Variants in SLC35B3 observed in about 807,000 individuals in gnomAD.
SLC35B3 encodes solute carrier family 35 member B3, also known as adenosine 3'-phospho 5'-phosphosulfate transporter 2.
A neutral mutation model predicts 44.1 loss-of-function variants in SLC35B3; 35 were observed. The ratio of observed to expected loss-of-function variants is 0.79; its 90% CI spans 0.61 to 1.05. The LOEUF (loss-of-function observed/expected upper bound fraction) is 1.05. Ranked by LOEUF, SLC35B3 falls within the 50% of genes least tolerant of loss-of-function variation. The probability of loss-of-function intolerance (pLI) is 0.00; values close to 1 mark genes in which losing one functional copy is unlikely to be tolerated. For missense variants in SLC35B3, 414 were observed against 476.4 expected (o/e 0.87, Z 1.22); for synonymous variants, 146 against 167.3 (o/e 0.87, Z 0.98).
At position 8,434,537 on chromosome 6, in the gene SLC35B3, ATTCT is replaced by A; in HGVS notation, c.-43-111_-43-108del. 1 of 865,842 alleles carries A rather than the reference ATTCT, an allele frequency of 1.2e-6. No individual in the cohort carries two copies. Among genetic ancestry groups the A allele is most frequent in the South Asian group, 2.7e-5 (1 of 36,956 alleles). 53.6% of individuals were successfully genotyped at this position (865,842 alleles called of 1,614,324 possible). On this transcript the variant is annotated intron_variant, in intron 1 of 10. Transcript: ENST00000644923. This position sits in a 1 kb window ranked among gnomAD's most constrained non-coding sequence, Gnocchi z 6.3. ...AACCCTGTGCTAATGTTTGAAGACT[ATTCT>A]TTTTTTTTTCCAAGAGAAAAAGTTA... is the stretch of plus-strand genomic sequence containing the variant.
chr6:8,415,522 G>A (rs1762341452), intron 9 of SLC35B3, among the ~76,000 whole-genome samples: 1 of 152,176 alleles, frequency 6.6e-6, no homozygotes, highest in South Asian at 2.1e-4. Flanking sequence ...AGAGTGGGGA[G>A]ATCTGCATAG....
intron 4 of SLC35B3, among the ~76,000 whole-genome samples, chr6:8,423,449 C>T (rs143479875): frequency 6.6e-6 from 1 of 152,248 alleles, no homozygotes; most frequent in East Asian, 1.9e-4. Flanking sequence ...AACTTTGGCT[C>T]TATCTAAAGT....
At chr6:8,418,758 G>C (rs1762639420) in intron 7 of SLC35B3, 1 of 160,568 alleles carries the variant, frequency 6.2e-6, no homozygotes, top group Non-Finnish European at 1.4e-5. Flanking sequence ...TTCTTGGACT[G>C]AAATAATCAA....
Position 8,420,042 on chromosome 6 carries a change from TAAA to T in SLC35B3, c.683-368_683-366del, listed in dbSNP as rs770082309. ...TGGGATTGGTGGCTATTCAGTTAAT[TAAA>T]AAAAAAAAAAACAGATGAAGAGAAA... is the stretch of plus-strand genomic sequence containing the variant. On this transcript the variant is annotated intron_variant, in intron 6 of 10. Transcript: ENST00000644923. The surrounding 1 kb of genome is among the most constrained non-coding windows in gnomAD (Gnocchi z 4.4). Among the ~76,000 whole-genome samples the T allele has an allele frequency of 7.3e-6, 1 of 137,852 alleles. No homozygotes were observed. Among genetic ancestry groups the T allele is most frequent in the African/African-American group, 2.7e-5 (1 of 37,458 alleles). 90.4% of individuals were successfully genotyped at this position (137,852 alleles called of 152,430 possible).
Position 8,412,971 on chromosome 6 carries a change from T to C in SLC35B3, c.*578A>G, listed in dbSNP as rs1370733785. 1 of 152,238 alleles carries C rather than the reference T, an allele frequency of 6.6e-6. No individual in the cohort carries two copies. Among genetic ancestry groups the C allele is most frequent in the East Asian group, 1.9e-4 (1 of 5,194 alleles). 9.4% of individuals were successfully genotyped at this position (152,238 alleles called of 1,614,324 possible). A position where few individuals can be genotyped will look rare whatever the true frequency, so the allele number is the denominator to read the frequency against. On this transcript the variant is annotated 3_prime_UTR_variant, in exon 11 of 11. Transcript: ENST00000644923. The stretch of plus-strand genomic sequence containing the variant: ...GGTTGGGAGCTCCTGCTCTAAAGAA[T>C]AATTTTAAATCAGAGAAAACTCAAG...
At chr6:8,415,887 A>G (rs890102928) in intron 9 of SLC35B3, among the ~76,000 whole-genome samples, 1 of 152,108 alleles carries the variant, frequency 6.6e-6, no homozygotes, top group African/African-American at 2.4e-5. Context: ...TAGGATTTTC[A>G]TCTTCTCTTA....
At chr6:8,416,772 A>G in intron 9 of SLC35B3, 112 bp downstream of exon 8, 1 of 486,144 alleles carries the variant, frequency 2.1e-6, no homozygotes, top group Non-Finnish European at 3.7e-6. Flanking sequence ...TTGGTGAAAT[A>G]TGATAATTTT....
intron 7 of SLC35B3, among the ~76,000 whole-genome samples, chr6:8,417,802 A>ACTT (rs34752417): frequency 1.3e-5 from 2 of 151,520 alleles, no homozygotes; most frequent in African/African-American, 4.9e-5. Context: ...TAAAAAAAAT[A>ACTT]AATGAAACAA....
chr6:8,434,524 A>G lies in SLC35B3; in HGVS notation c.-43-94T>C. The G allele has an allele frequency of 9.8e-7, 1 of 1,020,980 alleles. No homozygotes were observed. The highest frequency in any genetic ancestry group is 1.4e-6 in the Non-Finnish European group (1 of 717,488). The allele number at this position is 1,020,980 out of a possible 1,614,324, so 63.2% of individuals were successfully genotyped here. On this transcript the variant is annotated intron_variant, in intron 1 of 10. Coordinates refer to ENST00000644923, the MANE Select transcript of SLC35B3 (RefSeq NM_001370476.2). This position sits in a 1 kb window ranked among gnomAD's most constrained non-coding sequence, Gnocchi z 6.3. Reference sequence around the variant, plus strand: ...ACAAAGGTGGAGAAACCCTGTGCTAATGTTTGAAGACTATTCTTTTTTTTT... The same window carrying G: ...ACAAAGGTGGAGAAACCCTGTGCTAGTGTTTGAAGACTATTCTTTTTTTTT...
intron 10 of SLC35B3, 122 bp downstream of exon 9, chr6:8,414,786 A>G: frequency 2.1e-6 from 1 of 474,256 alleles, no homozygotes; most frequent in Middle Eastern, 5.8e-4. Context: ...ATTAATTTAT[A>G]TAAAAATAAA....
At position 8,435,142 on chromosome 6, in the gene SLC35B3, G is replaced by A; in HGVS notation, c.-44+201C>T. On this transcript the variant is annotated intron_variant, in intron 1 of 10. Transcript: ENST00000644923. This position sits in a 1 kb window ranked among gnomAD's most constrained non-coding sequence, Gnocchi z 5.5. ...CAGCCCGAGGGCGAAAAACGGGCGA[G>A]GAGGAACAGATGCTCCTCCCTGGAA... 1 of 1,279,502 alleles carries A rather than the reference G, an allele frequency of 7.8e-7. No individual in the cohort carries two copies. The highest frequency in any genetic ancestry group is 1.0e-6 in the Non-Finnish European group (1 of 984,022). 79.3% of individuals were successfully genotyped at this position (1,279,502 alleles called of 1,614,324 possible). A position where few individuals can be genotyped will look rare whatever the true frequency, so the allele number is the denominator to read the frequency against.
intron 5 of SLC35B3, among the ~76,000 whole-genome samples, chr6:8,422,258 A>C (rs1405327871): frequency 6.6e-6 from 1 of 152,142 alleles, no homozygotes; most frequent in East Asian, 1.9e-4. Context: ...CCACCTTGGC[A>C]TCCCACAGTG....
In SLC35B3 at chr6:8,434,557, G is replaced by T; in HGVS notation, c.-43-127C>A. The T allele has an allele frequency of 1.5e-6, 1 of 650,760 alleles. No homozygotes were observed. The highest frequency in any genetic ancestry group is 2.3e-6 in the Non-Finnish European group (1 of 429,590). The allele number at this position is 650,760 out of a possible 1,614,324, so 40.3% of individuals were successfully genotyped here. On this transcript the variant is annotated intron_variant, in intron 1 of 10. Transcript: ENST00000644923. This position sits in a 1 kb window ranked among gnomAD's most constrained non-coding sequence, Gnocchi z 6.3. ...AGACTATTCTTTTTTTTTTCCAAGAGAAAAAGTTAACACTAGGACTTTATA... is the reference window on the plus strand; with the variant it reads ...AGACTATTCTTTTTTTTTTCCAAGATAAAAAGTTAACACTAGGACTTTATA...
At position 8,416,901 on chromosome 6, in the gene SLC35B3, G is replaced by T; in HGVS notation, c.968C>A (p.Ala323Glu). The T allele has an allele frequency of 6.3e-7, 1 of 1,578,072 alleles. No individual in the cohort carries two copies. The highest frequency in any genetic ancestry group is 8.6e-7 in the Non-Finnish European group (1 of 1,157,186). ...CCTCCTACCTGTTACAGCAATAAGT[G>T]CACCAAAAATTTTAATCAAAGCCAG... The change falls in exon 9 of 11, where the codon GCA becomes GAA. Residue 323 changes from alanine (A) to glutamate (E), a missense_variant. Coordinates refer to ENST00000644923, the MANE Select transcript of SLC35B3 (RefSeq NM_001370476.2).
At chr6:8,418,212 T>C (rs1338898341) in intron 7 of SLC35B3, among the ~76,000 whole-genome samples, 1 of 152,164 alleles carries the variant, frequency 6.6e-6, no homozygotes, top group African/African-American at 2.4e-5. Context: ...TTCCAGAGCC[T>C]ACCATCATAA....
Position 8,419,713 on chromosome 6 carries a change from C to T in SLC35B3, c.683-36G>A. On this transcript the variant is annotated intron_variant, in intron 6 of 10. Transcript: ENST00000644923. The surrounding 1 kb of genome is among the most constrained non-coding windows in gnomAD (Gnocchi z 4.3). Reference sequence around the variant, plus strand: ...GTATTAAAAAAACAAACAAAAAAACCCTCCTTATTTAAACATATGAACTAT... The same window carrying T: ...GTATTAAAAAAACAAACAAAAAAACTCTCCTTATTTAAACATATGAACTAT... The T allele has an allele frequency of 8.1e-7, 1 of 1,230,304 alleles. No individual in the cohort carries two copies. Among genetic ancestry groups the T allele is most frequent in the Non-Finnish European group, 1.1e-6 (1 of 889,890 alleles). 76.2% of individuals were successfully genotyped at this position (1,230,304 alleles called of 1,614,324 possible). A position where few individuals can be genotyped will look rare whatever the true frequency, so the allele number is the denominator to read the frequency against.
At position 8,422,506 on chromosome 6, in the gene SLC35B3, AT is replaced by A. The variant is rs1561753526; in HGVS notation, c.537del (p.Lys179AsnfsTer2). 6.2e-7 allele frequency: 1 copy of A among 1,613,714 alleles called. No homozygotes were observed. The highest frequency in any genetic ancestry group is 1.7e-5 in the Admixed American group (1 of 59,990). On this transcript the variant is annotated frameshift_variant, in exon 5 of 11. Transcript: ENST00000644923. LOFTEE classifies it high-confidence loss of function. ...ACTCCTCCTAGCATAACAGGAATCA[AT>A]TTGCAGCACTTGAAGATGACTTGGG...
At chr6:8,425,028 A>G (rs537957340) in intron 4 of SLC35B3, among the ~76,000 whole-genome samples, 1 of 152,376 alleles carries the variant, frequency 6.6e-6, no homozygotes, top group South Asian at 2.1e-4. Flanking sequence ...TCATAATTAC[A>G]TTTATTATAA....
rs1047579201 is a variant in SLC35B3, at chr6:8,432,906, C to T, written c.3+1479G>A. 6.6e-6 allele frequency among the ~76,000 whole-genome samples: 1 copy of T among 152,140 alleles called. No individual in the cohort carries two copies. The highest frequency in any genetic ancestry group is 2.4e-5 in the African/African-American group (1 of 41,434). ...TCTACGTCTAAATGCTTCTTTGATA[C>T]CTCTACTCATAAGCTCTGCTGGCAC... On this transcript the variant is annotated intron_variant, in intron 2 of 10. Transcript: ENST00000644923. This position sits in a 1 kb window ranked among gnomAD's most constrained non-coding sequence, Gnocchi z 4.8.
Sources: allele counts gnomAD v4.1 joint callset (sites outside exome capture counted in the v4.1 genomes callset), GRCh38; gene constraint gnomAD v4.1.1; non-coding constraint Gnocchi (gnomAD v3.1); transcripts MANE v1.5; gene names NCBI Gene and HGNC (gene_info 2026-07-23, HGNC 2026-07-21).